PTK7: variants seen among roughly 807,000 people sequenced by gnomAD.
PTK7 encodes protein tyrosine kinase 7 (inactive).
PTK7 carries 39 observed loss-of-function variants against 116.6 expected under a neutral mutation model. The observed-to-expected ratio is 0.33, with a 90% CI of 0.26 to 0.44. The LOEUF is 0.44. Among genes scored for constraint, PTK7 ranks in the 20% least tolerant of loss-of-function variants. The probability of loss-of-function intolerance (pLI) is 1.00; values close to 1 mark genes in which losing one functional copy is unlikely to be tolerated. For missense variants in PTK7, 1,169 were observed against 1,425.6 expected, an observed-to-expected ratio of 0.82 and a Z score of 2.90; for synonymous variants, 546 against 563.6, an observed-to-expected ratio of 0.97 and a Z score of 0.44.
chr6:43,087,769 G>A (rs1766738593), intron 1 of PTK7, among the ~76,000 whole-genome samples: 1 of 152,174 alleles, frequency 6.6e-6, no homozygotes, highest in Non-Finnish European at 1.5e-5. Flanking sequence ...CACCTTACAG[G>A]CTCTCCTTAC....
Position 43,145,301 on chromosome 6 carries a change from G to A in PTK7, c.2509G>A (p.Glu837Lys), listed in dbSNP as rs755416978. The change falls in exon 16 of 20, where the codon GAG becomes AAG. Residue 837 changes from glutamate to lysine, a missense_variant. Coordinates refer to ENST00000230419, the MANE Select transcript of PTK7 (RefSeq NM_002821.5). The surrounding 1 kb of genome is among the most constrained non-coding windows in gnomAD (Gnocchi z 4.8). ...VLVKSLQSKDEQQQLDFRREL... is the reference protein window; with the variant it reads ...VLVKSLQSKDKQQQLDFRREL... Reference sequence around the variant, plus strand: ...TGTGAAGAGCCTGCAGAGCAAGGATGAGCAGCAGCAGCTGGACTTCCGGAG... The same window carrying A: ...TGTGAAGAGCCTGCAGAGCAAGGATAAGCAGCAGCAGCTGGACTTCCGGAG... 6.2e-7 allele frequency: 1 copy of A among 1,614,054 alleles called. No individual in the cohort carries two copies. Among genetic ancestry groups the A allele is most frequent in the Non-Finnish European group, 8.5e-7 (1 of 1,179,976 alleles).
At chr6:43,150,176 G>A (rs575709162) in intron 17 of PTK7, among the ~76,000 whole-genome samples, 1 of 152,228 alleles carries the variant, frequency 6.6e-6, no homozygotes, top group Non-Finnish European at 1.5e-5. Context: ...GGTGGACCAT[G>A]CTTTATGCAG....
intron 1 of PTK7, among the ~76,000 whole-genome samples, chr6:43,123,887 C>T (rs187481888): frequency 2.0e-5 from 3 of 152,286 alleles, no homozygotes; most frequent in Admixed American, 2.0e-4. Context: ...ACCCGTTAGC[C>T]CTTACTCAGG....
chr6:43,132,772 A>C, intron 7 of PTK7, 85 bp downstream of exon 7: 26 of 1,529,956 alleles, frequency 1.7e-5, no homozygotes, highest in Non-Finnish European at 2.2e-5. Context: ...CCTGGTACTC[A>C]CCTGAGGTCC....
chr6:43,108,719 A>T (rs1298703838), intron 1 of PTK7, among the ~76,000 whole-genome samples: 2 of 152,194 alleles, frequency 1.3e-5, no homozygotes, highest in Non-Finnish European at 2.9e-5. Flanking sequence ...ACTTTTCAAT[A>T]ATGAGTTAGA....
intron 17 of PTK7, among the ~76,000 whole-genome samples, chr6:43,149,901 C>T (rs1464408655): frequency 6.6e-6 from 1 of 152,114 alleles, no homozygotes; most frequent in African/African-American, 2.4e-5. Flanking sequence ...GAGTGGTAGG[C>T]AGGGTGTTCC....
At chr6:43,100,797 T>G (rs1021476839) in intron 1 of PTK7, among the ~76,000 whole-genome samples, 17 of 152,234 alleles carry the variant, frequency 1.1e-4, no homozygotes, top group African/African-American at 4.1e-4. Flanking sequence ...TAAATCCTGC[T>G]GTGTAGTTCA....
intron 1 of PTK7, among the ~76,000 whole-genome samples, chr6:43,127,812 C>T (rs1413973916): frequency 6.6e-6 from 1 of 152,114 alleles, no homozygotes; most frequent in African/African-American, 2.4e-5. Context: ...ACCTGTAGTC[C>T]CAGCTACTCG....
rs1376816455 is a variant in PTK7 at position 43,151,759 on chromosome 6, A to G, written c.2721+5061A>G. Among the ~76,000 whole-genome samples, 6 of 146,508 alleles carry G rather than the reference A, an allele frequency of 4.1e-5. No individual in the cohort carries two copies. The East Asian group carries it at 1.2e-3, about 30-fold the overall frequency. ...TGACCAAGTTGGCCAGGATGGACACAATCTCCTGACCTCGTGATCCGCCCG... is the reference window on the plus strand; with the variant it reads ...TGACCAAGTTGGCCAGGATGGACACGATCTCCTGACCTCGTGATCCGCCCG... On this transcript the variant is annotated intron_variant, in intron 17 of 19. Transcript: ENST00000230419.
intron 1 of PTK7, chr6:43,077,102 C>A: frequency 8.5e-7 from 1 of 1,170,850 alleles, no homozygotes; most frequent in Non-Finnish European, 1.1e-6. Flanking sequence ...AGTTCCTGGG[C>A]AAAGCTGAGA....
intron 1 of PTK7, among the ~76,000 whole-genome samples, chr6:43,118,749 A>ATGTGTGTGTGTGTG (rs58128834): frequency 7.6e-5 from 9 of 118,738 alleles, no homozygotes; most frequent in Non-Finnish European, 1.2e-4. Context: ...ATGTGTGTGT[A>ATGTGTGTGTGTGTG]TGTGTGTGTG....
intron 1 of PTK7, among the ~76,000 whole-genome samples, chr6:43,083,328 TGCC>T (rs1231936927): frequency 6.6e-6 from 1 of 152,228 alleles, no homozygotes; most frequent in East Asian, 1.9e-4. Context: ...GCCCTGGAGC[TGCC>T]GCCTGCCCTT....
intron 17 of PTK7, among the ~76,000 whole-genome samples, chr6:43,157,709 C>T (rs75737443): frequency 0.023 from 3,427 of 151,800 alleles, 135 homozygotes; most frequent in African/African-American, 0.078. Flanking sequence ...AGCTAGACAC[C>T]GTCTCTACCA....
chr6:43,134,155 C>A (rs912602742), intron 7 of PTK7, among the ~76,000 whole-genome samples: 10 of 152,204 alleles, frequency 6.6e-5, no homozygotes, highest in African/African-American at 1.9e-4. Flanking sequence ...TCTCGTGCCT[C>A]AGCCTCCCAA....
chr6:43,154,750 C>G (rs1319138946), intron 17 of PTK7, among the ~76,000 whole-genome samples: 2 of 152,242 alleles, frequency 1.3e-5, no homozygotes, highest in Non-Finnish European at 2.9e-5. Flanking sequence ...CTCTGCTGGC[C>G]TTCTTGTGAC....
intron 1 of PTK7, among the ~76,000 whole-genome samples, chr6:43,127,402 C>T (rs1769358073): frequency 6.6e-6 from 1 of 152,240 alleles, no homozygotes; most frequent in Non-Finnish European, 1.5e-5. Context: ...CCCACCTGCC[C>T]GGCTCTGCCC....
Position 43,138,928 on chromosome 6 carries a change from G to T in PTK7, c.1308G>T (p.Gln436His). ...GKPGYLDCLT[Q>H]ATPKPTVVWY... ...CCGGCTACTTGGATTGCCTGACCCA[G>T]GCCACACCAAAACCTACAGTTGTCT... is the stretch of plus-strand genomic sequence containing the variant. Residue 436 changes from glutamine (Q) to histidine (H), a missense_variant, in exon 8 of 20, where the codon CAG becomes CAT. By Grantham distance (24) the Gln-to-His change is conservative (BLOSUM62 0). Transcript: ENST00000230419. 6.2e-7 allele frequency: 1 copy of T among 1,614,184 alleles called. No homozygotes were observed. Among genetic ancestry groups the T allele is most frequent in the Non-Finnish European group, 8.5e-7 (1 of 1,180,036 alleles).
rs1770282683 is a variant in PTK7, at chr6:43,139,863, C to T, written c.1618+338C>T. ...GCATAGTGGCTCACGCCTGTAATCC[C>T]AACACTTTGGGAAGCCGAGATGGGT... is the stretch of plus-strand genomic sequence containing the variant. On this transcript the variant is annotated intron_variant, in intron 10 of 19. Coordinates refer to ENST00000230419, the MANE Select transcript of PTK7 (RefSeq NM_002821.5). The surrounding 1 kb of genome is among the most constrained non-coding windows in gnomAD (Gnocchi z 4.6). Among the ~76,000 whole-genome samples, 1 of 152,208 alleles carries T rather than the reference C, an allele frequency of 6.6e-6. No homozygotes were observed. The highest frequency in any genetic ancestry group is 2.4e-5 in the African/African-American group (1 of 41,454).
In PTK7 at chr6:43,148,861, C is replaced by A. The variant is rs181044623; in HGVS notation, c.2721+2163C>A. On this transcript the variant is annotated intron_variant, in intron 17 of 19. Transcript: ENST00000230419. ...AGATCACGAGGTCAGGAGTACGAGACCAGCCTGGCCAACATGGTGAAACCC... is the reference window on the plus strand; with the variant it reads ...AGATCACGAGGTCAGGAGTACGAGAACAGCCTGGCCAACATGGTGAAACCC... 8.2e-3 allele frequency among the ~76,000 whole-genome samples: 1,227 copies of A among 149,944 alleles called. 26 individuals carry two copies. The highest frequency in any genetic ancestry group is 0.028 in the African/African-American group (1,131 of 40,598).
Sources: allele counts gnomAD v4.1 joint callset (sites outside exome capture counted in the v4.1 genomes callset), GRCh38; gene constraint gnomAD v4.1.1; non-coding constraint Gnocchi (gnomAD v3.1); transcripts MANE v1.5; gene names NCBI Gene and HGNC (gene_info 2026-07-23, HGNC 2026-07-21).